The following EIF5B variants were observed in gnomAD, a reference collection of about 807,000 sequenced individuals.
The protein encoded by EIF5B is eukaryotic translation initiation factor 5B, also known as eIF-5B.
EIF5B carries 47 observed loss-of-function variants against 147.5 expected under a neutral mutation model. That is an observed-to-expected ratio of 0.32 (90% CI 0.25 to 0.41). The LOEUF (loss-of-function observed/expected upper bound fraction) is 0.41, where lower values mean the gene tolerates loss of function less well. Ranked by LOEUF, EIF5B falls within the 10% of genes least tolerant of loss-of-function variation. The pLI is 1.00. For missense variants in EIF5B, 1,064 were observed against 1,413.2 expected, an observed-to-expected ratio of 0.75 and a Z score of 3.96; for synonymous variants, 455 against 456.2, an observed-to-expected ratio of 1.00 and a Z score of 0.03.
intron 1 of EIF5B, among the ~76,000 whole-genome samples, chr2:99,350,984 G>A (rs1383697368): frequency 6.6e-6 from 1 of 152,222 alleles, no homozygotes; most frequent in African/African-American, 2.4e-5. Flanking sequence ...TAGAAATTAA[G>A]ATACTAGAAA....
intron 1 of EIF5B, among the ~76,000 whole-genome samples, chr2:99,340,911 A>G (rs916047760): frequency 1.3e-5 from 2 of 152,100 alleles, no homozygotes; most frequent in African/African-American, 4.8e-5. Context: ...CTGGGATGAC[A>G]GGCGCCCAAC....
intron 1 of EIF5B, among the ~76,000 whole-genome samples, chr2:99,339,892 CT>C (rs1279209708): frequency 2.0e-5 from 3 of 152,252 alleles, no homozygotes; most frequent in East Asian, 3.9e-4. Context: ...TTTTTTCCCC[CT>C]CTCAACCTAA....
At chr2:99,360,156 G>A in intron 1 of EIF5B, 80 bp from the exon 2 acceptor site, 25 of 1,489,220 alleles carry the variant, frequency 1.7e-5, no homozygotes, top group Non-Finnish European at 2.2e-5. Context: ...CATGAAAAAG[G>A]TTAAAATGAT....
intron 6 of EIF5B, among the ~76,000 whole-genome samples, chr2:99,366,477 C>G (rs949033989): frequency 1.3e-5 from 2 of 152,200 alleles, no homozygotes; most frequent in South Asian, 2.1e-4. Flanking sequence ...CCAGTCATAG[C>G]TATGGTTTTA....
intron 14 of EIF5B, among the ~76,000 whole-genome samples, chr2:99,385,816 A>G (rs561752799): frequency 1.3e-5 from 2 of 152,354 alleles, no homozygotes; most frequent in African/African-American, 4.8e-5. Context: ...AACCACTGTC[A>G]TTCAGAACAT....
chr2:99,390,094 AT>A, intron 15 of EIF5B, 124 bp from the exon 16 acceptor site: 1 of 1,186,782 alleles, frequency 8.4e-7, no homozygotes, highest in Non-Finnish European at 1.2e-6. Context: ...ATACATGATC[AT>A]TTTTAGTGTT....
chr2:99,371,571 C>T (rs1674453107), intron 8 of EIF5B, 85 bp from the exon 9 acceptor site: 14 of 1,012,884 alleles, frequency 1.4e-5, no homozygotes, highest in Non-Finnish European at 2.0e-5. Flanking sequence ...TTTTTTATGT[C>T]AGAGCATAAT....
chr2:99,371,776 A>G, intron 9 of EIF5B, 46 bp downstream of exon 9: 1 of 1,502,794 alleles, frequency 6.7e-7, no homozygotes, highest in South Asian at 1.3e-5. Flanking sequence ...TGGTTATTAG[A>G]AATGAATGAT....
intron 22 of EIF5B, 125 bp from the exon 23 acceptor site, chr2:99,398,623 G>C: frequency 1.0e-6 from 1 of 989,788 alleles, no homozygotes; most frequent in South Asian, 1.8e-5. Context: ...AGTGATGAAA[G>C]GATCGCACTG....
At chr2:99,337,813 C>CT (rs11371270) in intron 1 of EIF5B, among the ~76,000 whole-genome samples, 63,747 of 152,080 alleles carry the variant, frequency 0.42, 13,843 homozygotes, top group East Asian at 0.64. Context: ...GCTCCCCCGG[C>CT]ACCCCTTCCC....
rs373462237 is a variant in EIF5B, at chr2:99,358,908, C to G, written c.36-1328C>G. ...CAACTATTTATAAAAGCATTAAGTT[C>G]TTTTACTTCAAGGCATTTAACATTT... On this transcript the variant is annotated intron_variant, in intron 1 of 23. Coordinates refer to ENST00000289371, the MANE Select transcript of EIF5B (RefSeq NM_015904.4). Among the ~76,000 whole-genome samples the G allele has an allele frequency of 2.6e-5, 4 of 152,286 alleles. No homozygotes were observed. The East Asian group carries it at 7.7e-4, about 29-fold the overall frequency.
chr2:99,363,726 A>G lies in EIF5B; in HGVS notation c.1001A>G (p.Lys334Arg), dbSNP rs1226545061. 4.4e-6 allele frequency: 7 copies of G among 1,607,350 alleles called. No individual in the cohort carries two copies. The highest frequency in any genetic ancestry group is 1.7e-4 in the Middle Eastern group (1 of 6,060). The change falls in exon 5 of 24, where the codon AAA becomes AGA. Residue 334 changes from lysine (K) to arginine (R), a missense_variant. Lys to Arg is a conservative substitution (Grantham distance 26). Coordinates refer to ENST00000289371, the MANE Select transcript of EIF5B (RefSeq NM_015904.4). ...GAAGAAAAAGAGAAAGAGAAGAAAA[A>G]AGGACCTAGCAAAGCCACTGTTAAA... ...EKEEKEKEKK[K>R]GPSKATVKAM...
rs1466611823 is a variant in EIF5B at position 99,361,166 on chromosome 2, G to C, written c.265G>C (p.Glu89Gln). ...VAVKPTENNE[E>Q]EFTSKDKKKK... is the part of the protein sequence containing the mutation. ...TTTTTAGCCAACAGAAAACAATGAAGAGGAATTCACCTCAAAAGATAAAAA... is the reference window on the plus strand; with the variant it reads ...TTTTTAGCCAACAGAAAACAATGAACAGGAATTCACCTCAAAAGATAAAAA... The change falls in exon 4 of 24, where the codon GAG (glutamate) becomes CAG (glutamine). Residue 89 changes from glutamate to glutamine, a missense_variant. Glu to Gln is a conservative substitution (Grantham distance 29). This residue lies in a region of EIF5B where 458 missense variants were observed against 451.3 expected (regional missense o/e 1.01). Transcript: ENST00000289371. 6.5e-7 allele frequency: 1 copy of C among 1,531,484 alleles called. No homozygotes were observed. Among genetic ancestry groups the C allele is most frequent in the Non-Finnish European group, 8.7e-7 (1 of 1,145,896 alleles). 94.9% of individuals were successfully genotyped at this position (1,531,484 alleles called of 1,614,324 possible). A position where few individuals can be genotyped will look rare whatever the true frequency, so the allele number is the denominator to read the frequency against.
chr2:99,376,046 C>T (rs958706461), intron 9 of EIF5B, among the ~76,000 whole-genome samples: 26 of 152,354 alleles, frequency 1.7e-4, no homozygotes, highest in African/African-American at 5.8e-4. Context: ...TTAAAGCAGG[C>T]TTGTCCAGTC....
intron 9 of EIF5B, among the ~76,000 whole-genome samples, chr2:99,374,034 A>G (rs926558874): frequency 1.3e-5 from 2 of 152,178 alleles, no homozygotes; most frequent in African/African-American, 2.4e-5. Flanking sequence ...CACACCTGCA[A>G]TCCCAGCACT....
At chr2:99,372,905 C>A (rs892300686) in intron 9 of EIF5B, among the ~76,000 whole-genome samples, 3 of 151,730 alleles carry the variant, frequency 2.0e-5, no homozygotes, top group Non-Finnish European at 4.4e-5. Context: ...TTTGTTTTTG[C>A]TTTTGTTTTT....
chr2:99,390,458 T>A, intron 16 of EIF5B, 57 bp downstream of exon 16: 1 of 1,582,522 alleles, frequency 6.3e-7, no homozygotes, highest in Non-Finnish European at 8.6e-7. Flanking sequence ...AGCAAGTTCC[T>A]TGAGTGGAGG....
At chr2:99,375,564 C>G (rs1196943503) in intron 9 of EIF5B, among the ~76,000 whole-genome samples, 1 of 152,164 alleles carries the variant, frequency 6.6e-6, no homozygotes, top group Non-Finnish European at 1.5e-5. Flanking sequence ...GCAGCTTAGC[C>G]TTTCATCTGC....
chr2:99,398,848 C>A lies in EIF5B; in HGVS notation c.3494C>A (p.Pro1165His). The change falls in exon 23 of 24, where the codon CCT becomes CAT. Residue 1165 changes from proline (P) to histidine (H), a missense_variant. Pro to His is a moderately conservative substitution (Grantham distance 77, BLOSUM62 -2). Coordinates refer to ENST00000289371, the MANE Select transcript of EIF5B (RefSeq NM_015904.4). ...QEVCVKIEPI[P>H]GESPKMFGRH... ...GTTTGTGTAAAAATAGAACCTATCC[C>A]TGGTGAGTCACCCAAAATGTTTGGA... 2 of 1,614,140 alleles carry A rather than the reference C, an allele frequency of 1.2e-6. No individual in the cohort carries two copies. Among genetic ancestry groups the A allele is most frequent in the Non-Finnish European group, 1.7e-6 (2 of 1,180,030 alleles).
Sources: allele counts gnomAD v4.1 joint callset (sites outside exome capture counted in the v4.1 genomes callset), GRCh38; gene constraint gnomAD v4.1.1; regional missense constraint gnomAD v4.1.1; transcripts MANE v1.5; gene names NCBI Gene and HGNC (gene_info 2026-07-23, HGNC 2026-07-21).